The following KIAA1217 variants were observed in gnomAD, a reference collection of about 807,000 sequenced individuals.
The protein encoded by KIAA1217 is sickle tail protein homolog.
In KIAA1217, 88 loss-of-function variants were observed where a neutral mutation model predicts 163.9. The observed-to-expected ratio is 0.54, with a 90% confidence interval of 0.45 to 0.64. KIAA1217 has a LOEUF of 0.64. Among genes scored for constraint, KIAA1217 ranks in the 30% least tolerant of loss-of-function variants. KIAA1217 has a pLI of 0.00. For synonymous variants in KIAA1217, 903 were observed against 923.1 expected (o/e 0.98, Z 0.39); for missense variants, 2,372 against 2,475.0 (o/e 0.96, Z 0.88).
At chr10:23,765,190 T>A (rs1834449625) in intron 1 of KIAA1217, among the ~76,000 whole-genome samples, 1 of 121,880 alleles carries the variant, frequency 8.2e-6, no homozygotes, top group South Asian at 2.8e-4. Context: ...TTGTTCTCTT[T>A]TTTTTTTTTT....
intron 1 of KIAA1217, among the ~76,000 whole-genome samples, chr10:23,709,138 C>T (rs538699947): frequency 2.4e-4 from 37 of 152,234 alleles, no homozygotes; most frequent in African/African-American, 8.4e-4. Flanking sequence ...TTTGACTGGC[C>T]GTTGCCCCAC....
chr10:24,167,937 C>A (rs982544873), intron 2 of KIAA1217, among the ~76,000 whole-genome samples: 2 of 152,148 alleles, frequency 1.3e-5, no homozygotes, highest in Non-Finnish European at 2.9e-5. Flanking sequence ...ACTTTTATAA[C>A]AAACCCAATC....
At position 23,936,731 on chromosome 10, in the gene KIAA1217, T is replaced by G. The variant is rs113027926; in HGVS notation, c.-320-70494T>G. ...CTGCAGACACCTGGATTTCAGACTT[T>G]AGGCCTCCAGAACTGTGAGATAATA... On this transcript the variant is annotated intron_variant, in intron 1 of 18. Coordinates refer to the KIAA1217 transcript ENST00000376462. Among the ~76,000 whole-genome samples the G allele has an allele frequency of 5.3e-3, 801 of 152,288 alleles. 8 individuals carry two copies. Among genetic ancestry groups the G allele is most frequent in the African/African-American group, 0.019 (773 of 41,562 alleles).
intron 1 of KIAA1217, among the ~76,000 whole-genome samples, chr10:23,753,683 T>G (rs1031548971): frequency 1.3e-5 from 2 of 152,224 alleles, no homozygotes; most frequent in African/African-American, 2.4e-5. Flanking sequence ...GGGGTCTATT[T>G]GATAATAAGC....
intron 6 of KIAA1217, among the ~76,000 whole-genome samples, chr10:24,489,306 GT>G (rs1170541144): frequency 1.3e-5 from 2 of 152,008 alleles, no homozygotes; most frequent in East Asian, 1.9e-4. Context: ...GGTTAGGAAG[GT>G]TAATGCTTCA....
intron 1 of KIAA1217, among the ~76,000 whole-genome samples, chr10:23,931,548 A>G (rs1843252604): frequency 6.6e-6 from 1 of 152,150 alleles, no homozygotes; most frequent in South Asian, 2.1e-4. Flanking sequence ...ATTATGTCTA[A>G]TAATCTTCCT....
At chr10:23,779,485 A>G (rs1835158899) in intron 1 of KIAA1217, among the ~76,000 whole-genome samples, 1 of 152,176 alleles carries the variant, frequency 6.6e-6, no homozygotes, top group Non-Finnish European at 1.5e-5. Context: ...CTCAGTGTGA[A>G]TGTTTTCGGT....
chr10:24,445,958 C>T (rs893937352), intron 5 of KIAA1217, among the ~76,000 whole-genome samples: 2 of 152,134 alleles, frequency 1.3e-5, no homozygotes, highest in Non-Finnish European at 2.9e-5. Context: ...ATCGCCACAC[C>T]AACTTCCACA....
intron 2 of KIAA1217, among the ~76,000 whole-genome samples, chr10:24,236,166 A>G (rs541099410): frequency 2.0e-5 from 3 of 152,214 alleles, no homozygotes; most frequent in East Asian, 1.9e-4. Context: ...ATGATAAAAA[A>G]ATTGATATTT....
chr10:24,174,440 G>A (rs576318439), intron 2 of KIAA1217, among the ~76,000 whole-genome samples: 19 of 152,260 alleles, frequency 1.2e-4, no homozygotes, highest in South Asian at 1.2e-3. Context: ...ACACACACAC[G>A]AGTCTAAAGC....
chr10:24,049,108 C>T (rs985532917), intron 2 of KIAA1217, among the ~76,000 whole-genome samples: 17 of 151,504 alleles, frequency 1.1e-4, no homozygotes, highest in Non-Finnish European at 1.6e-4. Context: ...TTCTTCTTAC[C>T]GTACTTTATT....
rs113203933 is a variant in KIAA1217 at position 24,426,330 on chromosome 10, G to A, written c.554-6665G>A. Among the ~76,000 whole-genome samples the A allele has an allele frequency of 4.5e-3, 681 of 152,154 alleles. 3 individuals carry two copies. The highest frequency in any genetic ancestry group is 6.9e-3 in the Non-Finnish European group (467 of 67,982). On this transcript the variant is annotated intron_variant, in intron 3 of 20. Transcript: ENST00000376454. ...AACAAACCATAATGCAGGATTAAAA[G>A]CCACGCTTGCAGCCAGGTGTGGTGG...
At chr10:23,869,646 G>A (rs137922195) in intron 1 of KIAA1217, among the ~76,000 whole-genome samples, 64 of 152,190 alleles carry the variant, frequency 4.2e-4, no homozygotes, top group African/African-American at 1.3e-3. Flanking sequence ...GCCCCATGAT[G>A]TCACTCTCAC....
intron 2 of KIAA1217, among the ~76,000 whole-genome samples, chr10:24,262,628 GAAA>G (rs1331931820): frequency 1.4e-5 from 1 of 70,804 alleles, no homozygotes; most frequent in South Asian, 4.3e-4. Flanking sequence ...CCGTCTCAAA[GAAA>G]AAAAAAAAAA....
intron 2 of KIAA1217, among the ~76,000 whole-genome samples, chr10:24,018,878 GA>G (rs1193387531): frequency 6.6e-6 from 1 of 152,076 alleles, no homozygotes; most frequent in Non-Finnish European, 1.5e-5. Context: ...TGCCTTCAAA[GA>G]GAAGAAAATC....
In KIAA1217 at chr10:23,763,960, A is replaced by T. The variant is rs551587453; in HGVS notation, c.-321+68726A>T. Among the ~76,000 whole-genome samples, 19 of 152,344 alleles carry T rather than the reference A, an allele frequency of 1.2e-4. No homozygotes were observed. The East Asian group carries it at 3.3e-3, about 26-fold the overall frequency. On this transcript the variant is annotated intron_variant, in intron 1 of 18. Transcript: ENST00000376462. ...ACAAAAGCCAAAATAGACAAATGGG[A>T]TCTAATTAAACTAAAGAGCTTCTGC...
intron 12 of KIAA1217, among the ~76,000 whole-genome samples, chr10:24,523,862 C>T (rs1010253153): frequency 1.1e-4 from 17 of 152,142 alleles, no homozygotes; most frequent in Non-Finnish European, 2.2e-4. Context: ...CGTTAGATTT[C>T]GAGTCACTGT....
At chr10:24,328,272 C>T (rs1178313162) in intron 2 of KIAA1217, among the ~76,000 whole-genome samples, 1 of 152,052 alleles carries the variant, frequency 6.6e-6, no homozygotes, top group African/African-American at 2.4e-5. Context: ...TGTGAGAAAA[C>T]AGGAATTAGG....
At chr10:23,826,153 GT>G (rs1183161802) in intron 1 of KIAA1217, among the ~76,000 whole-genome samples, 1 of 151,764 alleles carries the variant, frequency 6.6e-6, no homozygotes, top group Non-Finnish European at 1.5e-5. Flanking sequence ...CACTAGTTAT[GT>G]TTGAATTTTT....
Sources: allele counts gnomAD v4.1 joint callset (sites outside exome capture counted in the v4.1 genomes callset), GRCh38; gene constraint gnomAD v4.1.1; transcripts MANE v1.5; gene names NCBI Gene and HGNC (gene_info 2026-07-23, HGNC 2026-07-21).